The following ELL2 variants were observed in gnomAD, a reference collection of about 807,000 sequenced individuals.
ELL2 encodes elongation factor for RNA polymerase II 2, also known as RNA polymerase II elongation factor ELL2.
Under a neutral mutation model 72.8 loss-of-function variants are expected in ELL2, and 21 were observed. That is an observed-to-expected ratio of 0.29 (90% confidence interval 0.20 to 0.42). ELL2 has a LOEUF of 0.42. Ranked by LOEUF, ELL2 falls within the 10% of genes least tolerant of loss-of-function variation. The probability of loss-of-function intolerance (pLI) is 1.00; values close to 1 mark genes in which losing one functional copy is unlikely to be tolerated. For missense variants in ELL2, 568 were observed against 772.8 expected (o/e 0.73, Z 3.14); for synonymous variants, 266 against 283.2 (o/e 0.94, Z 0.61).
intron 5 of ELL2, among the ~76,000 whole-genome samples, chr5:95,904,434 T>C (rs1440301727): frequency 2.6e-5 from 4 of 152,252 alleles, no homozygotes; most frequent in African/African-American, 9.6e-5. Flanking sequence ...TATTAATACA[T>C]ACCAGTTTAA....
At chr5:95,927,874 C>T (rs1322184006) in intron 2 of ELL2, among the ~76,000 whole-genome samples, 1 of 148,300 alleles carries the variant, frequency 6.7e-6, no homozygotes, top group Non-Finnish European at 1.5e-5. Context: ...ATAATGAGCA[C>T]CTTAATGTAA....
chr5:95,919,395 C>A, intron 3 of ELL2, 29 bp downstream of exon 3: 1 of 1,556,072 alleles, frequency 6.4e-7, no homozygotes, highest in South Asian at 1.2e-5. Context: ...AAAATTTTTC[C>A]CCTTCAGTGT....
intron 3 of ELL2, among the ~76,000 whole-genome samples, chr5:95,914,569 A>T (rs13361341): frequency 0.37 from 56,478 of 151,586 alleles, 11,827 homozygotes; most frequent in African/African-American, 0.58. Context: ...ATTTTTTTTT[A>T]AAGGCCAGGC....
intron 2 of ELL2, among the ~76,000 whole-genome samples, chr5:95,928,580 C>T (rs528377775): frequency 6.6e-6 from 1 of 152,204 alleles, no homozygotes; most frequent in South Asian, 2.1e-4. Flanking sequence ...CTACTCCACA[C>T]CCCTCAACAA....
chr5:95,894,847 A>G (rs1171722699), intron 9 of ELL2, among the ~76,000 whole-genome samples: 1 of 152,228 alleles, frequency 6.6e-6, no homozygotes, highest in Admixed American at 6.5e-5. Context: ...AATAGAAAAA[A>G]AGTGTTCAGA....
intron 8 of ELL2, among the ~76,000 whole-genome samples, chr5:95,896,751 C>G (rs148524591): frequency 1.4e-4 from 22 of 152,326 alleles, no homozygotes; most frequent in African/African-American, 5.1e-4. Flanking sequence ...ATTATCGCAA[C>G]TGGTTCTGAA....
At chr5:95,930,614 C>T (rs544532053) in intron 2 of ELL2, among the ~76,000 whole-genome samples, 36 of 152,096 alleles carry the variant, frequency 2.4e-4, no homozygotes, top group East Asian at 5.8e-4. Context: ...GTAAAGTTAC[C>T]GAATGCTTTT....
At chr5:95,902,713 TATA>T (rs1360587405) in intron 5 of ELL2, among the ~76,000 whole-genome samples, 1 of 152,200 alleles carries the variant, frequency 6.6e-6, no homozygotes. Context: ...AATAAGTTAA[TATA>T]GTATACACCC....
intron 1 of ELL2, among the ~76,000 whole-genome samples, chr5:95,944,794 C>T (rs2112350901): frequency 6.6e-6 from 1 of 152,344 alleles, no homozygotes; most frequent in African/African-American, 2.4e-5. Flanking sequence ...ACACTTCCCT[C>T]ATTACACTTC....
At chr5:95,938,112 CA>C (rs1448197745) in intron 2 of ELL2, among the ~76,000 whole-genome samples, 1 of 152,064 alleles carries the variant, frequency 6.6e-6, no homozygotes, top group Admixed American at 6.6e-5. Flanking sequence ...AAATAATTAA[CA>C]AAATATCTCT....
intron 1 of ELL2, among the ~76,000 whole-genome samples, chr5:95,957,759 G>A (rs74979556): frequency 6.6e-6 from 1 of 152,090 alleles, no homozygotes; most frequent in South Asian, 2.1e-4. Context: ...GAAACAGTGA[G>A]GAATTGTAAT....
At chr5:95,927,372 C>CAT (rs1420315441) in intron 2 of ELL2, among the ~76,000 whole-genome samples, 4 of 71,250 alleles carry the variant, frequency 5.6e-5, no homozygotes, top group Non-Finnish European at 7.4e-5. Flanking sequence ...TATAGACATA[C>CAT]ACACACACAC....
intron 9 of ELL2, among the ~76,000 whole-genome samples, chr5:95,895,257 C>A (rs763945563): frequency 2.3e-4 from 35 of 152,248 alleles, no homozygotes; most frequent in Non-Finnish European, 3.5e-4. Flanking sequence ...AGCACTTTGT[C>A]AGCAGTAAAC....
chr5:95,934,563 C>T lies in ELL2; in HGVS notation c.195+8439G>A, dbSNP rs558311994. ...ACTCCCACACCCTTGATAACACCAG[C>T]AACTCTGCCTGCACCTTCTTTCCAC... On this transcript the variant is annotated intron_variant, in intron 2 of 11. Transcript: ENST00000237853. Among the ~76,000 whole-genome samples, 63 of 152,330 alleles carry T rather than the reference C, an allele frequency of 4.1e-4. 1 individual carries two copies. The South Asian group carries it at 0.012, about 29-fold the overall frequency.
intron 2 of ELL2, among the ~76,000 whole-genome samples, chr5:95,936,335 T>G (rs981395134): frequency 6.6e-6 from 1 of 152,200 alleles, no homozygotes; most frequent in African/African-American, 2.4e-5. Flanking sequence ...TATATATGTA[T>G]AGTCTCCAAA....
chr5:95,937,483 G>A (rs368010408), intron 2 of ELL2, among the ~76,000 whole-genome samples: 7 of 147,670 alleles, frequency 4.7e-5, no homozygotes, highest in African/African-American at 1.8e-4. Flanking sequence ...TAGCCTGGGC[G>A]ACAGAGCAAG....
chr5:95,928,277 AAT>A (rs1351255513), intron 2 of ELL2, among the ~76,000 whole-genome samples: 1 of 152,204 alleles, frequency 6.6e-6, no homozygotes, highest in African/African-American at 2.4e-5. Context: ...AGAAAATCTA[AAT>A]AGTTTCTTCA....
At chr5:95,932,016 A>C (rs1750620259) in intron 2 of ELL2, among the ~76,000 whole-genome samples, 2 of 150,684 alleles carry the variant, frequency 1.3e-5, no homozygotes, top group African/African-American at 2.4e-5. Flanking sequence ...GTAGCCCTAA[A>C]AATGAACCAA....
At position 95,907,296 on chromosome 5, in the gene ELL2, A is replaced by ATATTTTTTTTTT; in HGVS notation, c.482-515_482-514insAAAAAAAAAATA. Reference sequence around the variant, plus strand: ...GTTAGTGATATATATATATATATATATTTTTTTTTTTTACAGGCCAAGACA... The same window carrying ATATTTTTTTTTT: ...GTTAGTGATATATATATATATATATATATTTTTTTTTTTTTTTTTTTTTTACAGGCCAAGACA... On this transcript the variant is annotated intron_variant, in intron 4 of 11. Coordinates refer to ENST00000237853, the MANE Select transcript of ELL2 (RefSeq NM_012081.6). Among the ~76,000 whole-genome samples the ATATTTTTTTTTT allele has an allele frequency of 2.2e-4, 26 of 116,492 alleles. 1 individual carries two copies. Among genetic ancestry groups the ATATTTTTTTTTT allele is most frequent in the African/African-American group, 9.4e-4 (23 of 24,520 alleles). 76.4% of individuals were successfully genotyped at this position (116,492 alleles called of 152,430 possible).
Sources: gnomAD v4.1 joint callset for allele counts (sites outside exome capture counted in the v4.1 genomes callset) on GRCh38, gnomAD v4.1.1 for gene constraint, MANE v1.5 for transcripts, NCBI Gene and HGNC (gene_info 2026-07-23, HGNC 2026-07-21) for gene names.